CFDP1: variants seen among roughly 807,000 people sequenced by gnomAD.
The protein encoded by CFDP1 is heterochromatin-stabilizing protein CFDP1.
A neutral mutation model predicts 40.1 loss-of-function variants in CFDP1; 31 were observed. That is an observed-to-expected ratio of 0.77 (90% CI 0.58 to 1.04). The LOEUF is 1.04. CFDP1 is among the 50% of genes least tolerant of loss of function. CFDP1 has a pLI of 0.00. For synonymous variants in CFDP1, 167 were observed against 120.0 expected, an observed-to-expected ratio of 1.39 and a Z score of -2.56; for missense variants, 423 against 343.4, an observed-to-expected ratio of 1.23 and a Z score of -1.83.
intron 5 of CFDP1, among the ~76,000 whole-genome samples, chr16:75,341,863 AAGT>A (rs2078529595): frequency 6.6e-6 from 1 of 152,138 alleles, no homozygotes; most frequent in African/African-American, 2.4e-5. Flanking sequence ...TTCCATGGAA[AAGT>A]AACTCTAGCT....
chr16:75,410,442 C>A (rs1597393186), intron 4 of CFDP1, among the ~76,000 whole-genome samples: 1 of 152,092 alleles, frequency 6.6e-6, no homozygotes, highest in Non-Finnish European at 1.5e-5. Context: ...GGTAAATAAA[C>A]CTTATTAATC....
At chr16:75,355,132 C>G (rs2078637603) in intron 5 of CFDP1, among the ~76,000 whole-genome samples, 1 of 152,212 alleles carries the variant, frequency 6.6e-6, no homozygotes, top group Non-Finnish European at 1.5e-5. Flanking sequence ...TGCTGATCAT[C>G]TGAGCCTTCA....
intron 5 of CFDP1, among the ~76,000 whole-genome samples, chr16:75,323,716 T>A (rs907065272): frequency 1.3e-5 from 2 of 151,534 alleles, no homozygotes; most frequent in African/African-American, 4.9e-5. Flanking sequence ...GAGGTAGAGG[T>A]TGCAGTGAGC....
intron 5 of CFDP1, among the ~76,000 whole-genome samples, chr16:75,323,045 A>C (rs2078376370): frequency 6.6e-6 from 1 of 152,178 alleles, no homozygotes; most frequent in Admixed American, 6.5e-5. Context: ...TTCTTCAATA[A>C]AAATTTAACC....
Position 75,418,963 on chromosome 16 carries a change from G to C in CFDP1, c.65-4268C>G, listed in dbSNP as rs540221386. 5.3e-4 allele frequency: 140 copies of C among 262,800 alleles called. 3 individuals are homozygous for C. Among genetic ancestry groups the C allele is most frequent in the South Asian group, 4.5e-3 (134 of 29,624 alleles). The allele number at this position is 262,800 out of a possible 1,614,324, so 16.3% of individuals were successfully genotyped here. On this transcript the variant is annotated intron_variant, in intron 1 of 6. Transcript: ENST00000283882. The stretch of plus-strand genomic sequence containing the variant: ...GAGACCAGCCTGGGCAACAGAGCAA[G>C]AGCCTGTTTCTATAAAAGATTTTTA...
intron 5 of CFDP1, chr16:75,391,622 G>A (rs2078951632): frequency 6.6e-6 from 1 of 152,136 alleles, no homozygotes; most frequent in East Asian, 1.9e-4. Context: ...AGGTGTACAA[G>A]GGCATAATGT....
intron 5 of CFDP1, among the ~76,000 whole-genome samples, chr16:75,371,661 T>A (rs907998524): frequency 1.3e-5 from 2 of 151,928 alleles, no homozygotes; most frequent in Non-Finnish European, 2.9e-5. Context: ...TCTTGGTCTT[T>A]TCTGAGAACC....
At chr16:75,324,278 A>T (rs1471727885) in intron 5 of CFDP1, among the ~76,000 whole-genome samples, 1 of 152,122 alleles carries the variant, frequency 6.6e-6, no homozygotes, top group Non-Finnish European at 1.5e-5. Context: ...CAGGGGGACG[A>T]GCTGGGATAG....
chr16:75,430,181 G>T (rs112915056), intron 1 of CFDP1, among the ~76,000 whole-genome samples: 577 of 42,478 alleles, frequency 0.014, 12 homozygotes, highest in Admixed American at 0.024. Context: ...TTGTTTGTTT[G>T]TTTTTTCGAG....
At chr16:75,355,400 A>G (rs912098118) in intron 5 of CFDP1, among the ~76,000 whole-genome samples, 3 of 152,232 alleles carry the variant, frequency 2.0e-5, no homozygotes, top group Non-Finnish European at 4.4e-5. Flanking sequence ...TGCTTTATCA[A>G]CTAAATATAT....
chr16:75,366,956 G>A (rs902045713), intron 5 of CFDP1, among the ~76,000 whole-genome samples: 39 of 151,804 alleles, frequency 2.6e-4, no homozygotes, highest in African/African-American at 8.7e-4. Flanking sequence ...GTGAGGTCAG[G>A]AGTTCAAGAC....
intron 1 of CFDP1, among the ~76,000 whole-genome samples, chr16:75,432,660 G>A (rs769228094): frequency 6.6e-6 from 1 of 152,192 alleles, no homozygotes; most frequent in Non-Finnish European, 1.5e-5. Flanking sequence ...CTGAAGATGT[G>A]AATGGGTGAA....
chr16:75,311,576 A>T (rs188215970), intron 5 of CFDP1, among the ~76,000 whole-genome samples: 16 of 152,360 alleles, frequency 1.1e-4, no homozygotes, highest in Non-Finnish European at 2.1e-4. Context: ...GATAGGGTTA[A>T]CATGTGTACA....
At chr16:75,305,373 C>T (rs902698105) in intron 5 of CFDP1, 191 bp from the exon 6 acceptor site, 3 of 585,164 alleles carry the variant, frequency 5.1e-6, no homozygotes. Context: ...TGTGCTTTTC[C>T]TGCTTAACAC....
At chr16:75,334,793 A>G (rs1483994542) in intron 5 of CFDP1, among the ~76,000 whole-genome samples, 4 of 152,098 alleles carry the variant, frequency 2.6e-5, no homozygotes, top group African/African-American at 4.8e-5. Flanking sequence ...AGTCTCTACT[A>G]AAAACACAAA....
chr16:75,360,223 C>T (rs1037992185), intron 5 of CFDP1, among the ~76,000 whole-genome samples: 1 of 151,820 alleles, frequency 6.6e-6, no homozygotes, highest in Non-Finnish European at 1.5e-5. Context: ...TTACTTTCCA[C>T]TAAAGGAACC....
At chr16:75,347,410 T>C (rs1597345918) in intron 5 of CFDP1, among the ~76,000 whole-genome samples, 1 of 138,864 alleles carries the variant, frequency 7.2e-6, no homozygotes, top group South Asian at 2.4e-4. Context: ...GCAGGCGCAG[T>C]GGCTCACGCC....
At chr16:75,339,714 G>C (rs2078513568) in intron 5 of CFDP1, among the ~76,000 whole-genome samples, 2 of 152,090 alleles carry the variant, frequency 1.3e-5, no homozygotes, top group South Asian at 4.1e-4. Context: ...TTTTCTTCTA[G>C]CATTGCCAGG....
intron 1 of CFDP1, among the ~76,000 whole-genome samples, chr16:75,427,839 C>T (rs968679162): frequency 3.3e-5 from 5 of 152,142 alleles, no homozygotes; most frequent in Admixed American, 3.3e-4. Flanking sequence ...TTGGAAACAA[C>T]CCAGTGTCTT....
Sources: allele counts gnomAD v4.1 joint callset (sites outside exome capture counted in the v4.1 genomes callset), GRCh38; gene constraint gnomAD v4.1.1; transcripts MANE v1.5; gene names NCBI Gene and HGNC (gene_info 2026-07-23, HGNC 2026-07-21).